The following GALNT17 variants were observed in gnomAD, a reference collection of about 807,000 sequenced individuals.
The protein encoded by GALNT17 is polypeptide N-acetylgalactosaminyltransferase 17, also known as UDP-GalNAc:polypeptide N-acetylgalactosaminyltransferase-like 3.
In GALNT17, 29 loss-of-function variants were observed where a neutral mutation model predicts 63.7. The ratio of observed to expected loss-of-function variants is 0.46; its 90% CI spans 0.34 to 0.62. The LOEUF is 0.62. Among genes scored for constraint, GALNT17 ranks in the 20% least tolerant of loss-of-function variants. GALNT17 has a pLI of 0.01. For missense variants in GALNT17, 603 were observed against 799.6 expected (o/e 0.75, Z 2.97); for synonymous variants, 305 against 318.3 (o/e 0.96, Z 0.45).
chr7:71,381,966 A>G (rs1017428728), intron 2 of GALNT17, among the ~76,000 whole-genome samples: 1 of 152,154 alleles, frequency 6.6e-6, no homozygotes, highest in African/African-American at 2.4e-5. Flanking sequence ...TGGGAAAGAA[A>G]GGCAGAGGGA....
intron 2 of GALNT17, among the ~76,000 whole-genome samples, chr7:71,346,026 T>TTA (rs1438272280): frequency 3.1e-5 from 4 of 127,216 alleles, no homozygotes; most frequent in East Asian, 4.5e-4. Context: ...TACTAAAAAT[T>TTA]AAAAAAAAAA....
At chr7:71,605,743 AT>A (rs1790037075) in intron 6 of GALNT17, among the ~76,000 whole-genome samples, 1 of 152,176 alleles carries the variant, frequency 6.6e-6, no homozygotes, top group South Asian at 2.1e-4. Flanking sequence ...TGCAGAATGA[AT>A]TTTGACTCTG....
intron 5 of GALNT17, among the ~76,000 whole-genome samples, chr7:71,506,547 G>A (rs191312718): frequency 2.1e-4 from 32 of 152,132 alleles, no homozygotes; most frequent in African/African-American, 6.3e-4. Flanking sequence ...GATTACAGGC[G>A]TGAGCTACCC....
chr7:71,420,155 G>A (rs1563079006), intron 4 of GALNT17, among the ~76,000 whole-genome samples: 2 of 152,136 alleles, frequency 1.3e-5, no homozygotes, highest in Non-Finnish European at 2.9e-5. Flanking sequence ...GACACACGAT[G>A]GTGGAGGTGT....
intron 6 of GALNT17, among the ~76,000 whole-genome samples, chr7:71,626,072 T>C (rs1790371364): frequency 6.6e-6 from 1 of 151,910 alleles, no homozygotes; most frequent in Non-Finnish European, 1.5e-5. Context: ...GGTGAAACCC[T>C]GTCTCTACTA....
chr7:71,178,940 C>A (rs1277602648), intron 1 of GALNT17, among the ~76,000 whole-genome samples: 1 of 152,088 alleles, frequency 6.6e-6, no homozygotes, highest in African/African-American at 2.4e-5. Context: ...GATTTTTGAT[C>A]AATTCCTGGA....
At chr7:71,420,760 G>C in intron 4 of GALNT17, 148 bp from the exon 5 acceptor site, 1 of 884,702 alleles carries the variant, frequency 1.1e-6, no homozygotes, top group Non-Finnish European at 1.8e-6. Context: ...AGCGTGGGCA[G>C]GTCCCTGGGA....
chr7:71,572,530 A>AAACT (rs71089960), intron 6 of GALNT17, among the ~76,000 whole-genome samples: 1 of 149,684 alleles, frequency 6.7e-6, no homozygotes, highest in Non-Finnish European at 1.5e-5. Flanking sequence ...AAAAAAAAAA[A>AAACT]CTACATGTTT....
rs561383417 is a variant in GALNT17 at position 71,134,835 on chromosome 7, G to GTTTT, written c.238+1823_238+1826dup. Reference sequence around the variant, plus strand: ...TTAGTATCAGTTTCTTTGTTTTATGGTTTTTTTTTTTTTTTTTTTTTTTTT... The same window carrying GTTTT: ...TTAGTATCAGTTTCTTTGTTTTATGGTTTTTTTTTTTTTTTTTTTTTTTTTTTTT... On this transcript the variant is annotated intron_variant, in intron 1 of 10. Coordinates refer to ENST00000333538, the MANE Select transcript of GALNT17 (RefSeq NM_022479.3). Among the ~76,000 whole-genome samples, 33 of 57,910 alleles carry GTTTT rather than the reference G, an allele frequency of 5.7e-4. 3 individuals are homozygous for GTTTT. Among genetic ancestry groups the GTTTT allele is most frequent in the Non-Finnish European group, 8.1e-4 (28 of 34,364 alleles). The allele number at this position is 57,910 out of a possible 152,430, so 38.0% of individuals were successfully genotyped here.
chr7:71,294,201 G>A (rs1321229928), intron 1 of GALNT17, among the ~76,000 whole-genome samples: 1 of 151,682 alleles, frequency 6.6e-6, no homozygotes, highest in Non-Finnish European at 1.5e-5. Context: ...TTTTTACAAT[G>A]TAGTTAGGTT....
At chr7:71,670,481 T>C (rs1791052667) in intron 8 of GALNT17, among the ~76,000 whole-genome samples, 1 of 152,148 alleles carries the variant, frequency 6.6e-6, no homozygotes, top group African/African-American at 2.4e-5. Context: ...TGCTGTGGGC[T>C]GGAATCACTT....
intron 1 of GALNT17, among the ~76,000 whole-genome samples, chr7:71,302,030 A>T (rs1156450469): frequency 6.6e-6 from 1 of 152,220 alleles, no homozygotes; most frequent in Non-Finnish European, 1.5e-5. Context: ...AAAAGGAATG[A>T]GATCATGTCC....
intron 1 of GALNT17, among the ~76,000 whole-genome samples, chr7:71,258,543 T>G (rs1299683056): frequency 6.6e-6 from 1 of 152,226 alleles, no homozygotes; most frequent in Non-Finnish European, 1.5e-5. Context: ...CAAGAAGTTT[T>G]CAGTCTGCTG....
intron 5 of GALNT17, among the ~76,000 whole-genome samples, chr7:71,544,039 C>T (rs377511597): frequency 4.3e-4 from 66 of 152,060 alleles, no homozygotes; most frequent in African/African-American, 1.5e-3. Flanking sequence ...ATGTTCCACC[C>T]GCCTCAGCCC....
chr7:71,518,692 C>T (rs879375224), intron 5 of GALNT17, among the ~76,000 whole-genome samples: 12 of 152,190 alleles, frequency 7.9e-5, no homozygotes, highest in Middle Eastern at 3.4e-3. Flanking sequence ...TCTCCTTGGG[C>T]GGAGGGAGAA....
chr7:71,566,935 A>G (rs1789358391), intron 5 of GALNT17, among the ~76,000 whole-genome samples: 1 of 151,782 alleles, frequency 6.6e-6, no homozygotes, highest in South Asian at 2.1e-4. Context: ...CTTCTGCTCA[A>G]TCATCCGTGT....
At chr7:71,705,200 A>G (rs1468253897) in intron 9 of GALNT17, among the ~76,000 whole-genome samples, 15 of 152,138 alleles carry the variant, frequency 9.9e-5, no homozygotes, top group Admixed American at 7.9e-4. Flanking sequence ...TTGATGGTCA[A>G]AAGAGTTGAA....
At position 71,662,126 on chromosome 7, in the gene GALNT17, CT is replaced by C. The variant is rs1024050796; in HGVS notation, c.1081-3283del. ...AGGACATAGTGCCAAGTCAGACTGGCTTGTGGGTTCTGTTCCCACTTGGCAC... is the reference window on the plus strand; with the variant it reads ...AGGACATAGTGCCAAGTCAGACTGGCTGTGGGTTCTGTTCCCACTTGGCAC... On this transcript the variant is annotated intron_variant, in intron 6 of 10. Coordinates refer to ENST00000333538, the MANE Select transcript of GALNT17 (RefSeq NM_022479.3). 8.3e-4 allele frequency among the ~76,000 whole-genome samples: 126 copies of C among 152,150 alleles called. 1 individual carries two copies. The highest frequency in any genetic ancestry group is 1.6e-3 in the Non-Finnish European group (107 of 68,040).
At chr7:71,256,214 A>G (rs1790286960) in intron 1 of GALNT17, among the ~76,000 whole-genome samples, 1 of 152,170 alleles carries the variant, frequency 6.6e-6, no homozygotes, top group Non-Finnish European at 1.5e-5. Flanking sequence ...CCACCTTTTC[A>G]GATCCAACCA....
Sources: allele counts gnomAD v4.1 joint callset (sites outside exome capture counted in the v4.1 genomes callset), GRCh38; gene constraint gnomAD v4.1.1; transcripts MANE v1.5; gene names NCBI Gene and HGNC (gene_info 2026-07-23, HGNC 2026-07-21).